FAT3: variants seen among roughly 807,000 people sequenced by gnomAD.
The protein encoded by FAT3 is protocadherin Fat 3.
A neutral mutation model predicts 310.2 loss-of-function variants in FAT3; 95 were observed. The ratio of observed to expected loss-of-function variants is 0.31; its 90% CI spans 0.26 to 0.36. The LOEUF is 0.36. Among genes scored for constraint, FAT3 ranks in the 10% least tolerant of loss-of-function variants. The probability of loss-of-function intolerance (pLI) is 1.00; values close to 1 mark genes in which losing one functional copy is unlikely to be tolerated. For synonymous variants in FAT3, 2,314 were observed against 2,192.9 expected (o/e 1.06, Z -1.54); for missense variants, 5,408 against 5,715.6 (o/e 0.95, Z 1.74).
intron 3 of FAT3, among the ~76,000 whole-genome samples, chr11:92,577,182 T>C (rs520058): frequency 0.74 from 112,656 of 151,868 alleles, 44,060 homozygotes; most frequent in Non-Finnish European, 0.88. Context: ...ATGATCTTGG[T>C]TCTGCAACCT....
intron 4 of FAT3, among the ~76,000 whole-genome samples, chr11:92,714,315 A>G (rs1944610869): frequency 6.6e-6 from 1 of 152,160 alleles, no homozygotes; most frequent in African/African-American, 2.4e-5. Context: ...TGGAAGTGCA[A>G]TGACCCATGT....
chr11:92,604,707 A>G (rs144238496), intron 3 of FAT3, among the ~76,000 whole-genome samples: 111 of 152,258 alleles, frequency 7.3e-4, no homozygotes, highest in Admixed American at 3.6e-3. Context: ...CCTGCTCCCA[A>G]CAGCAGCTTT....
chr11:92,275,394 T>G (rs1332831866), intron 1 of FAT3, among the ~76,000 whole-genome samples: 1 of 152,226 alleles, frequency 6.6e-6, no homozygotes, highest in Non-Finnish European at 1.5e-5. Flanking sequence ...GGCTTCAACC[T>G]TATTCAACCT....
Position 92,262,325 on chromosome 11 carries a change from A to G in FAT3, c.-18+37151A>G, listed in dbSNP as rs116090483. ...TTTCCTGTAAGTAGTGTCTTTTTCC[A>G]GAAGTTGCTTCAATGGTTCTTTTGA... is the stretch of plus-strand genomic sequence containing the variant. On this transcript the variant is annotated intron_variant, in intron 1 of 27. Transcript: ENST00000525166. Among the ~76,000 whole-genome samples the G allele has an allele frequency of 4.3e-3, 649 of 152,234 alleles. 4 individuals carry two copies. The highest frequency in any genetic ancestry group is 0.017 in the Middle Eastern group (5 of 294).
intron 1 of FAT3, among the ~76,000 whole-genome samples, chr11:92,278,210 A>G (rs1946328611): frequency 6.6e-6 from 1 of 152,192 alleles, no homozygotes; most frequent in African/African-American, 2.4e-5. Flanking sequence ...TGTTAAAGTT[A>G]CATGTTTAAG....
At chr11:92,283,635 A>G (rs1240462104) in intron 1 of FAT3, among the ~76,000 whole-genome samples, 2 of 152,180 alleles carry the variant, frequency 1.3e-5, no homozygotes, top group African/African-American at 4.8e-5. Flanking sequence ...AACAACTAAA[A>G]GCTAAGTGAT....
intron 3 of FAT3, among the ~76,000 whole-genome samples, chr11:92,581,320 GTCCAACGGC>G (rs1470232307): frequency 6.6e-6 from 1 of 151,982 alleles, no homozygotes; most frequent in Non-Finnish European, 1.5e-5. Flanking sequence ...GCCATGTCCT[GTCCAACGGC>G]TCCCTCCTTG....
At chr11:92,530,514 G>C (rs1005888783) in intron 3 of FAT3, among the ~76,000 whole-genome samples, 1 of 152,048 alleles carries the variant, frequency 6.6e-6, no homozygotes, top group South Asian at 2.1e-4. Flanking sequence ...CTTTTATCAA[G>C]TGGAGAAAAA....
chr11:92,385,479 T>C lies in FAT3; in HGVS notation c.3292+30075T>C, dbSNP rs931474193. ...GCCTCCTGGGTTCTAGCGATTCTCG[T>C]GCCTCAGCCTCCCAAGTAGCTGGGA... On this transcript the variant is annotated intron_variant, in intron 2 of 27. Coordinates refer to ENST00000525166, the MANE Select transcript of FAT3 (RefSeq NM_001367949.2). 2.6e-5 allele frequency among the ~76,000 whole-genome samples: 4 copies of C among 152,276 alleles called. No individual in the cohort carries two copies. In the East Asian group the frequency reaches 7.7e-4, roughly 29 times the overall value.
At position 92,806,401 on chromosome 11, in the gene FAT3, A is replaced by C; in HGVS notation, c.9133A>C (p.Asn3045His). Residue 3045 changes from asparagine to histidine, a missense_variant, in exon 12 of 28, where the codon AAT (asparagine) becomes CAT (histidine). Asn to His is a moderately conservative substitution (Grantham distance 68, BLOSUM62 1). This residue lies in a region of FAT3 where 4,588 missense variants were observed against 4,809.8 expected (regional missense o/e 0.95). Transcript: ENST00000525166. ...ATTACTTCCTGAAGACATTCCATCA[A>C]ATAAAATCATCCTGAAAGTCAGTGC... is the stretch of plus-strand genomic sequence containing the variant. ...TALLPEDIPS[N>H]KIILKVSAKD... The C allele has an allele frequency of 1.9e-6, 3 of 1,598,710 alleles. No homozygotes were observed. In the African/African-American group the frequency reaches 4.0e-5, roughly 21 times the overall value.
At chr11:92,543,384 A>G (rs971689867) in intron 3 of FAT3, among the ~76,000 whole-genome samples, 1 of 152,166 alleles carries the variant, frequency 6.6e-6, no homozygotes, top group African/African-American at 2.4e-5. Flanking sequence ...AGATATGCCA[A>G]TTGCTCGATT....
At chr11:92,367,631 C>A (rs1400000411) in intron 2 of FAT3, among the ~76,000 whole-genome samples, 2 of 150,722 alleles carry the variant, frequency 1.3e-5, no homozygotes, top group Non-Finnish European at 1.5e-5. Context: ...ACCTTGCCTC[C>A]AAAAAAACAA....
intron 3 of FAT3, among the ~76,000 whole-genome samples, chr11:92,529,123 A>G (rs1953976953): frequency 6.6e-6 from 1 of 152,234 alleles, no homozygotes; most frequent in African/African-American, 2.4e-5. Context: ...TACTTTCTGC[A>G]CTCAGGGAAT....
intron 3 of FAT3, among the ~76,000 whole-genome samples, chr11:92,647,094 G>A (rs973447904): frequency 1.3e-5 from 2 of 151,968 alleles, no homozygotes; most frequent in African/African-American, 4.8e-5. Context: ...AATCAATAAT[G>A]TTGAGCCTTC....
At position 92,464,304 on chromosome 11, in the gene FAT3, C is replaced by T. The variant is rs1951707920; in HGVS notation, c.3293-60330C>T. ...TGTGTATTCTAATTGTTGGTCCTGGCATGTAGGTCCCTCTGGGGGCCCACA... is the reference window on the plus strand; with the variant it reads ...TGTGTATTCTAATTGTTGGTCCTGGTATGTAGGTCCCTCTGGGGGCCCACA... On this transcript the variant is annotated intron_variant, in intron 2 of 27. Coordinates refer to ENST00000525166, the MANE Select transcript of FAT3 (RefSeq NM_001367949.2). Among the ~76,000 whole-genome samples the T allele has an allele frequency of 3.9e-5, 6 of 152,176 alleles. 1 individual carries two copies. In the South Asian group the frequency reaches 1.2e-3, roughly 32 times the overall value.
chr11:92,681,603 G>C (rs1943482469), intron 3 of FAT3, among the ~76,000 whole-genome samples: 1 of 152,164 alleles, frequency 6.6e-6, no homozygotes, highest in Admixed American at 6.5e-5. Flanking sequence ...TGGGAGAGCT[G>C]GAAAAGCCCA....
intron 1 of FAT3, among the ~76,000 whole-genome samples, chr11:92,310,462 AG>A (rs1231457467): frequency 6.6e-6 from 1 of 152,168 alleles, no homozygotes; most frequent in Non-Finnish European, 1.5e-5. Flanking sequence ...CACAGGCAAA[AG>A]AATCTTAGTA....
rs868851261 is a variant in FAT3 at position 92,782,836 on chromosome 11, G to A, written c.4336-7107G>A. ...CTCTCATCTCTAACTGCTGTGTTTG[G>A]AGTTTCTAATTGGCCTGCTTCCTTT... On this transcript the variant is annotated intron_variant, in intron 7 of 27. Coordinates refer to ENST00000525166, the MANE Select transcript of FAT3 (RefSeq NM_001367949.2). Among the ~76,000 whole-genome samples, 14 of 152,226 alleles carry A rather than the reference G, an allele frequency of 9.2e-5. No individual in the cohort carries two copies. In the South Asian group the frequency reaches 1.2e-3, roughly 14 times the overall value.
At chr11:92,620,148 T>C (rs1458449080) in intron 3 of FAT3, among the ~76,000 whole-genome samples, 1 of 152,176 alleles carries the variant, frequency 6.6e-6, no homozygotes, top group Non-Finnish European at 1.5e-5. Flanking sequence ...TTTTCACATA[T>C]ATGAGATTTT....
Sources: allele counts gnomAD v4.1 joint callset (sites outside exome capture counted in the v4.1 genomes callset), GRCh38; gene constraint gnomAD v4.1.1; regional missense constraint gnomAD v4.1.1; transcripts MANE v1.5; gene names NCBI Gene and HGNC (gene_info 2026-07-23, HGNC 2026-07-21).